COL21A1: variants seen among roughly 807,000 people sequenced by gnomAD.
COL21A1 encodes collagen alpha-1(XXI) chain.
In COL21A1, 149 loss-of-function variants were observed where a neutral mutation model predicts 137.9. The observed-to-expected ratio is 1.08, with a 90% confidence interval of 0.95 to 1.24. The LOEUF is 1.24. COL21A1 is among the 50% of genes most tolerant of loss of function. The pLI, the probability that COL21A1 is intolerant of heterozygous loss-of-function variation, is 0.00. For synonymous variants in COL21A1, 456 were observed against 391.5 expected (o/e 1.16, Z -1.95); for missense variants, 1,167 against 1,158.4 (o/e 1.01, Z -0.11).
intron 1 of COL21A1, among the ~76,000 whole-genome samples, chr6:56,351,976 G>C (rs992880807): frequency 6.6e-6 from 1 of 152,078 alleles, no homozygotes; most frequent in Admixed American, 6.5e-5. Context: ...CAATATAAAA[G>C]ATATTTTAAT....
At chr6:56,283,983 G>A (rs1763845867) in intron 1 of COL21A1, among the ~76,000 whole-genome samples, 1 of 152,034 alleles carries the variant, frequency 6.6e-6, no homozygotes, top group South Asian at 2.1e-4. Flanking sequence ...TTGGGGTGAG[G>A]TGATTTCCTC....
At chr6:56,131,214 C>G (rs1773531660) in intron 12 of COL21A1, among the ~76,000 whole-genome samples, 1 of 151,692 alleles carries the variant, frequency 6.6e-6, no homozygotes. Flanking sequence ...TGATAAAAAG[C>G]CTTGCTTGTA....
chr6:56,162,561 G>A (rs1776271660), intron 9 of COL21A1, among the ~76,000 whole-genome samples: 1 of 152,108 alleles, frequency 6.6e-6, no homozygotes, highest in Non-Finnish European at 1.5e-5. Context: ...AAACAGCAGA[G>A]GCTTCAGGTG....
At chr6:56,081,234 C>CTTTTTCT (rs1021305740) in intron 17 of COL21A1, among the ~76,000 whole-genome samples, 1 of 151,242 alleles carries the variant, frequency 6.6e-6, no homozygotes, top group Non-Finnish European at 1.5e-5. Flanking sequence ...CATTGTAAGG[C>CTTTTTCT]TTTTTCTTTT....
chr6:56,192,165 G>C, intron 1 of COL21A1, among the ~76,000 whole-genome samples: 1 of 152,094 alleles, frequency 6.6e-6, no homozygotes, highest in East Asian at 1.9e-4. Flanking sequence ...AAGTGAAACT[G>C]GACCCCTTCG....
At chr6:56,361,171 C>T (rs893319218) in intron 1 of COL21A1, among the ~76,000 whole-genome samples, 4 of 152,114 alleles carry the variant, frequency 2.6e-5, no homozygotes, top group African/African-American at 7.2e-5. Flanking sequence ...TTATGATTTG[C>T]TTGTTCTGTG....
At chr6:56,360,509 T>G (rs1378281392) in intron 1 of COL21A1, among the ~76,000 whole-genome samples, 1 of 151,898 alleles carries the variant, frequency 6.6e-6, no homozygotes, top group African/African-American at 2.4e-5. Flanking sequence ...GAAACCAAAA[T>G]GGAAGGGGAT....
intron 3 of COL21A1, 114 bp from the exon 4 acceptor site, chr6:56,171,242 C>CTACATTTGTA: frequency 6.6e-6 from 4 of 610,000 alleles, no homozygotes; most frequent in Non-Finnish European, 1.1e-5. Context: ...ATTATAAAAT[C>CTACATTTGTA]TACATATGTA....
intron 1 of COL21A1, among the ~76,000 whole-genome samples, chr6:56,273,751 G>A (rs1763580269): frequency 6.6e-6 from 1 of 152,018 alleles, no homozygotes; most frequent in African/African-American, 2.4e-5. Flanking sequence ...AACAATCCTG[G>A]CCCAGATAGA....
At chr6:56,171,987 A>G (rs1777097635) in intron 3 of COL21A1, among the ~76,000 whole-genome samples, 1 of 151,898 alleles carries the variant, frequency 6.6e-6, no homozygotes, top group Admixed American at 6.6e-5. Context: ...CAAAAAGAAA[A>G]AGGAAGAGAA....
intron 1 of COL21A1, among the ~76,000 whole-genome samples, chr6:56,324,538 C>T (rs1371865279): frequency 6.6e-6 from 1 of 151,952 alleles, no homozygotes; most frequent in African/African-American, 2.4e-5. Context: ...GCAATCTCTC[C>T]ATTCACCGAC....
At position 56,240,681 on chromosome 6, in the gene COL21A1, A is replaced by G. The variant is rs148205903; in HGVS notation, c.-39+6706T>C. Reference sequence around the variant, plus strand: ...CTAAGAAAAATATACAAATGGCAAAATGAAAGAGAACTTTGCAAGCACACC... The same window carrying G: ...CTAAGAAAAATATACAAATGGCAAAGTGAAAGAGAACTTTGCAAGCACACC... On this transcript the variant is annotated intron_variant, in intron 1 of 29. Transcript: ENST00000244728. Among the ~76,000 whole-genome samples the G allele has an allele frequency of 4.4e-3, 665 of 152,282 alleles. 2 individuals carry two copies. The highest frequency in any genetic ancestry group is 0.013 in the African/African-American group (535 of 41,564).
intron 16 of COL21A1, among the ~76,000 whole-genome samples, chr6:56,122,344 G>T (rs1045413987): frequency 2.0e-5 from 3 of 151,226 alleles, no homozygotes; most frequent in African/African-American, 4.9e-5. Flanking sequence ...ATGGAGTCTG[G>T]CTGTGTTGCC....
chr6:56,332,470 TA>T lies in COL21A1; in HGVS notation c.-39+61500del, dbSNP rs557966557. Among the ~76,000 whole-genome samples, 7 of 58,262 alleles carry T rather than the reference TA, an allele frequency of 1.2e-4. No individual in the cohort carries two copies. The South Asian group carries it at 7.1e-3, about 59-fold the overall frequency. 38.2% of individuals were successfully genotyped at this position (58,262 alleles called of 152,430 possible). ...TGGTTGAATCTAGCTGCAACTTGGGTAAAACATTTTTTTTTTTTGCTACATT... is the reference window on the plus strand; with the variant it reads ...TGGTTGAATCTAGCTGCAACTTGGGTAAACATTTTTTTTTTTTGCTACATT... On this transcript the variant is annotated intron_variant, in intron 1 of 28. Coordinates refer to the COL21A1 transcript ENST00000370819.
intron 1 of COL21A1, among the ~76,000 whole-genome samples, chr6:56,260,393 G>A (rs1340091522): frequency 6.6e-6 from 1 of 151,724 alleles, no homozygotes; most frequent in Admixed American, 6.6e-5. Context: ...GACCAGCCTG[G>A]CGAAACCCTG....
At chr6:56,240,159 C>CTTT (rs70986787) in intron 1 of COL21A1, among the ~76,000 whole-genome samples, 2,399 of 145,210 alleles carry the variant, frequency 0.017, 67 homozygotes, top group African/African-American at 0.056. Flanking sequence ...GTCCATTAAA[C>CTTT]TTTTTTTTTT....
intron 23 of COL21A1, among the ~76,000 whole-genome samples, chr6:56,066,967 A>G (rs1051789545): frequency 5.7e-5 from 8 of 140,608 alleles, no homozygotes; most frequent in African/African-American, 1.9e-4. Context: ...GTGTGTGTAT[A>G]TATATATATA....
chr6:56,366,633 A>C (rs551696940), intron 1 of COL21A1, among the ~76,000 whole-genome samples: 1 of 152,172 alleles, frequency 6.6e-6, no homozygotes, highest in African/African-American at 2.4e-5. Context: ...TTACAAAGGG[A>C]GCATTCTCTA....
intron 20 of COL21A1, among the ~76,000 whole-genome samples, chr6:56,071,712 T>A (rs985790348): frequency 1.3e-5 from 2 of 151,644 alleles, no homozygotes; most frequent in African/African-American, 4.8e-5. Context: ...TCCTTAAAAT[T>A]TCTAATTTTA....
Sources: gnomAD v4.1 joint callset for allele counts (sites outside exome capture counted in the v4.1 genomes callset) on GRCh38, gnomAD v4.1.1 for gene constraint, MANE v1.5 for transcripts, NCBI Gene and HGNC (gene_info 2026-07-23, HGNC 2026-07-21) for gene names.